Variants in KIAA1217 observed in about 807,000 individuals in gnomAD.
KIAA1217 encodes KIAA1217, also known as sickle tail protein homolog.
In KIAA1217, 88 loss-of-function variants were observed where a neutral mutation model predicts 163.9. The observed-to-expected ratio is 0.54, with a 90% confidence interval of 0.45 to 0.64. KIAA1217 has a LOEUF of 0.64. Among genes scored for constraint, KIAA1217 ranks in the 30% least tolerant of loss-of-function variants. The probability of loss-of-function intolerance (pLI) is 0.00; values close to 1 mark genes in which losing one functional copy is unlikely to be tolerated. For synonymous variants in KIAA1217, 903 were observed against 923.1 expected, an observed-to-expected ratio of 0.98 and a Z score of 0.39; for missense variants, 2,372 against 2,475.0, an observed-to-expected ratio of 0.96 and a Z score of 0.88.
chr10:24,389,855 A>C (rs2054597136), intron 3 of KIAA1217, among the ~76,000 whole-genome samples: 4 of 152,116 alleles, frequency 2.6e-5, no homozygotes, highest in Non-Finnish European at 5.9e-5. Flanking sequence ...TTATTTGCCA[A>C]GCTCCCAGGG....
intron 2 of KIAA1217, among the ~76,000 whole-genome samples, chr10:24,039,821 TATAG>T (rs1848556245): frequency 6.6e-6 from 1 of 151,518 alleles, no homozygotes; most frequent in East Asian, 1.9e-4. Context: ...TAGATATAGA[TATAG>T]ATATAGATAT....
intron 2 of KIAA1217, among the ~76,000 whole-genome samples, chr10:24,078,207 C>T (rs1213885409): frequency 1.3e-5 from 2 of 151,918 alleles, no homozygotes; most frequent in African/African-American, 4.8e-5. Context: ...TGTAAAGTAC[C>T]ATAGAGGTTA....
intron 1 of KIAA1217, among the ~76,000 whole-genome samples, chr10:23,704,172 G>GTGTGTGTGTATATATATATATATATATA (rs1229370789): frequency 2.5e-5 from 1 of 39,926 alleles, no homozygotes; most frequent in Non-Finnish European, 4.1e-5. Context: ...GTGTGTGTGT[G>GTGTGTGTGTATATATATATATATATATA]TATATATATA....
At chr10:23,965,246 G>A (rs148292852) in intron 1 of KIAA1217, among the ~76,000 whole-genome samples, 30 of 152,340 alleles carry the variant, frequency 2.0e-4, no homozygotes, top group African/African-American at 6.7e-4. Context: ...CAAACATCAT[G>A]CTGCATCCGG....
At chr10:24,023,184 A>G (rs1008938874) in intron 2 of KIAA1217, among the ~76,000 whole-genome samples, 2 of 151,718 alleles carry the variant, frequency 1.3e-5, no homozygotes, top group African/African-American at 2.4e-5. Context: ...AGAATTGGCA[A>G]TTTAGTAAAA....
intron 1 of KIAA1217, among the ~76,000 whole-genome samples, chr10:23,915,627 C>A (rs929569758): frequency 6.6e-6 from 1 of 152,122 alleles, no homozygotes; most frequent in Non-Finnish European, 1.5e-5. Context: ...ATTCTCTGTA[C>A]TATTTCTGCA....
chr10:24,501,165 G>A (rs1288840198), intron 8 of KIAA1217, among the ~76,000 whole-genome samples: 1 of 152,062 alleles, frequency 6.6e-6, no homozygotes, highest in Non-Finnish European at 1.5e-5. Flanking sequence ...CAGCTCTGTG[G>A]CCTGTCTTCC....
chr10:24,520,050 G>A lies in KIAA1217; in HGVS notation c.2178-73G>A, dbSNP rs578076379. 23 of 1,509,056 alleles carry A rather than the reference G, an allele frequency of 1.5e-5. 1 individual carries two copies. The South Asian group carries it at 2.6e-4, about 17-fold the overall frequency. 93.5% of individuals were successfully genotyped at this position (1,509,056 alleles called of 1,614,324 possible). On this transcript the variant is annotated intron_variant, in intron 10 of 20. Transcript: ENST00000376454. The stretch of plus-strand genomic sequence containing the variant: ...CTACACAAAATCAGAGGCTGAGACG[G>A]GCACTCGGCCCCTCCTCTTCCTCTG...
At chr10:23,774,228 T>A (rs2130886873) in intron 1 of KIAA1217, among the ~76,000 whole-genome samples, 1 of 152,318 alleles carries the variant, frequency 6.6e-6, no homozygotes, top group Non-Finnish European at 1.5e-5. Flanking sequence ...TGTCTCACTT[T>A]CCCTGTGAAA....
intron 2 of KIAA1217, among the ~76,000 whole-genome samples, chr10:24,300,811 G>T (rs549772297): frequency 2.0e-5 from 3 of 151,534 alleles, no homozygotes; most frequent in Non-Finnish European, 2.9e-5. Context: ...AAGTGAATTC[G>T]CCTGTTTGTT....
At chr10:24,338,750 A>C (rs951237105) in intron 2 of KIAA1217, among the ~76,000 whole-genome samples, 4 of 152,182 alleles carry the variant, frequency 2.6e-5, no homozygotes, top group Admixed American at 2.6e-4. Context: ...AGGCATTTTA[A>C]GATTATTTCC....
intron 1 of KIAA1217, among the ~76,000 whole-genome samples, chr10:23,859,890 C>T (rs1254826092): frequency 6.6e-6 from 1 of 151,524 alleles, no homozygotes; most frequent in Non-Finnish European, 1.5e-5. Flanking sequence ...AAAACAATTA[C>T]TCAGAGTCAC....
At chr10:23,720,114 A>G (rs552743575) in intron 1 of KIAA1217, among the ~76,000 whole-genome samples, 46 of 151,966 alleles carry the variant, frequency 3.0e-4, no homozygotes, top group African/African-American at 1.1e-3. Flanking sequence ...GATGGTGGTT[A>G]CACAAAGTTG....
At chr10:23,696,124 T>C (rs1836021529) in intron 1 of KIAA1217, among the ~76,000 whole-genome samples, 1 of 152,192 alleles carries the variant, frequency 6.6e-6, no homozygotes, top group African/African-American at 2.4e-5. Flanking sequence ...CATGTTTAGC[T>C]CTTTTGGGCT....
chr10:24,355,999 G>A (rs570982325), intron 2 of KIAA1217, among the ~76,000 whole-genome samples: 11 of 151,660 alleles, frequency 7.3e-5, no homozygotes, highest in Non-Finnish European at 1.2e-4. Context: ...CACCCGCCTC[G>A]GCCTCCCAAA....
chr10:23,929,862 T>C (rs1182993071), intron 1 of KIAA1217, among the ~76,000 whole-genome samples: 1 of 152,196 alleles, frequency 6.6e-6, no homozygotes, highest in African/African-American at 2.4e-5. Context: ...CTGTTTTAAG[T>C]TCTTTGGGAA....
intron 1 of KIAA1217, among the ~76,000 whole-genome samples, chr10:23,860,141 T>C (rs1839885570): frequency 6.6e-6 from 1 of 152,132 alleles, no homozygotes; most frequent in African/African-American, 2.4e-5. Context: ...AGCTACAGGA[T>C]TGGGCCTCAT....
intron 2 of KIAA1217, among the ~76,000 whole-genome samples, chr10:24,321,216 G>A (rs1400932421): frequency 1.3e-5 from 2 of 151,990 alleles, no homozygotes; most frequent in African/African-American, 2.4e-5. Flanking sequence ...GTACATCCAC[G>A]TTCATAGCAG....
chr10:24,407,566 A>G (rs2057357402), intron 3 of KIAA1217, among the ~76,000 whole-genome samples: 1 of 152,084 alleles, frequency 6.6e-6, no homozygotes, highest in Non-Finnish European at 1.5e-5. Context: ...TCAGCCTCCT[A>G]AAATCTTAGA....
Sources: allele counts gnomAD v4.1 joint callset (sites outside exome capture counted in the v4.1 genomes callset), GRCh38; gene constraint gnomAD v4.1.1; transcripts MANE v1.5; gene names NCBI Gene and HGNC (gene_info 2026-07-23, HGNC 2026-07-21).